FHOD3: variants seen among roughly 807,000 people sequenced by gnomAD.
FHOD3 encodes FH1/FH2 domain-containing protein 3.
A neutral mutation model predicts 173.0 loss-of-function variants in FHOD3; 90 were observed. The ratio of observed to expected loss-of-function variants is 0.52; its 90% confidence interval spans 0.44 to 0.62. FHOD3 has a LOEUF of 0.62. Ranked by LOEUF, FHOD3 falls within the 20% of genes least tolerant of loss-of-function variation. FHOD3 has a pLI of 0.00. For missense variants in FHOD3, 1,945 were observed against 2,034.7 expected (o/e 0.96, Z 0.85); for synonymous variants, 828 against 823.0 (o/e 1.01, Z -0.10).
chr18:36,587,748 G>A (rs56389424), intron 6 of FHOD3, among the ~76,000 whole-genome samples: 43,289 of 152,004 alleles, frequency 0.28, 6,683 homozygotes, highest in Admixed American at 0.37. Context: ...CTGAGATCGC[G>A]CCATTGCACT....
intron 3 of FHOD3, among the ~76,000 whole-genome samples, chr18:36,404,397 A>G (rs1448208509): frequency 6.6e-6 from 1 of 152,126 alleles, no homozygotes; most frequent in Non-Finnish European, 1.5e-5. Flanking sequence ...CTCCTTATGG[A>G]GTTGATAAAA....
intron 1 of FHOD3, among the ~76,000 whole-genome samples, chr18:36,353,181 A>C (rs1205023082): frequency 6.6e-6 from 1 of 152,242 alleles, no homozygotes; most frequent in Non-Finnish European, 1.5e-5. Flanking sequence ...GCTGCTCAAG[A>C]ATGCTGAAAT....
At chr18:36,360,708 G>A (rs779009882) in intron 2 of FHOD3, among the ~76,000 whole-genome samples, 56 of 152,198 alleles carry the variant, frequency 3.7e-4, no homozygotes, top group Non-Finnish European at 5.7e-4. Context: ...ATGAACCTCT[G>A]AGGTTTCTGT....
chr18:36,495,616 G>C (rs952765248), intron 3 of FHOD3, among the ~76,000 whole-genome samples: 1 of 152,176 alleles, frequency 6.6e-6, no homozygotes, highest in African/African-American at 2.4e-5. Context: ...GGGCACACTT[G>C]AATTCCTTTC....
intron 28 of FHOD3, among the ~76,000 whole-genome samples, chr18:36,770,454 T>G (rs900979214): frequency 2.6e-5 from 4 of 152,198 alleles, no homozygotes; most frequent in Non-Finnish European, 5.9e-5. Context: ...TACACACGTT[T>G]CCAGGATACA....
At chr18:36,727,993 G>A (rs1250250241) in intron 19 of FHOD3, among the ~76,000 whole-genome samples, 1 of 152,202 alleles carries the variant, frequency 6.6e-6, no homozygotes, top group African/African-American at 2.4e-5. Flanking sequence ...CAAGACACCT[G>A]CTACTGCACC....
intron 4 of FHOD3, among the ~76,000 whole-genome samples, chr18:36,510,499 G>T (rs1347063775): frequency 6.6e-6 from 1 of 152,140 alleles, no homozygotes; most frequent in African/African-American, 2.4e-5. Context: ...GCCTTTGCCA[G>T]ACAGTCAATT....
chr18:36,581,476 G>A (rs1413515781), intron 6 of FHOD3, among the ~76,000 whole-genome samples: 2 of 152,208 alleles, frequency 1.3e-5, no homozygotes, highest in Non-Finnish European at 2.9e-5. Context: ...TTCCCTGTCT[G>A]CATTGCTCTC....
At chr18:36,630,675 G>T (rs1275298179) in intron 10 of FHOD3, among the ~76,000 whole-genome samples, 5 of 152,198 alleles carry the variant, frequency 3.3e-5, no homozygotes, top group South Asian at 2.1e-4. Flanking sequence ...ACCTGGCACA[G>T]TCTCACCAGA....
intron 3 of FHOD3, among the ~76,000 whole-genome samples, chr18:36,394,269 A>G (rs1192342693): frequency 6.6e-6 from 1 of 152,212 alleles, no homozygotes; most frequent in Non-Finnish European, 1.5e-5. Flanking sequence ...GATGAAAGTC[A>G]TTATTAAGGT....
intron 3 of FHOD3, among the ~76,000 whole-genome samples, chr18:36,408,631 T>G (rs1189938750): frequency 6.6e-6 from 1 of 152,042 alleles, no homozygotes; most frequent in Admixed American, 6.6e-5. Context: ...CAGGACATAG[T>G]GCCAGTGGTT....
chr18:36,315,804 C>G (rs780947781), intron 1 of FHOD3, among the ~76,000 whole-genome samples: 18 of 152,062 alleles, frequency 1.2e-4, no homozygotes, highest in Non-Finnish European at 2.2e-4. Flanking sequence ...AAGCAGACAC[C>G]CCATTATGTC....
At chr18:36,561,027 C>G (rs2058065863) in intron 5 of FHOD3, among the ~76,000 whole-genome samples, 1 of 151,986 alleles carries the variant, frequency 6.6e-6, no homozygotes, top group Non-Finnish European at 1.5e-5. Context: ...TGTATTCTTC[C>G]CCTGTGGAGG....
intron 5 of FHOD3, 147 bp downstream of exon 5, chr18:36,512,690 CCATAG>C (rs2055726285): frequency 1.8e-5 from 2 of 111,960 alleles, no homozygotes; most frequent in Non-Finnish European, 3.2e-5. Context: ...AAAACATCTG[CCATAG>C]GTAAAACAGG....
chr18:36,401,771 C>T (rs2048821452), intron 3 of FHOD3, among the ~76,000 whole-genome samples: 3 of 152,148 alleles, frequency 2.0e-5, no homozygotes, highest in African/African-American at 2.4e-5. Flanking sequence ...TTAACCTGGC[C>T]CCTCATGTTC....
chr18:36,602,636 T>C, intron 7 of FHOD3, 38 bp from the exon 8 acceptor site: 2 of 1,398,810 alleles, frequency 1.4e-6, no homozygotes, highest in Middle Eastern at 1.8e-4. Flanking sequence ...AGAATGTTGA[T>C]GAATTGCTGT....
rs150161368 is a variant in FHOD3 at position 36,307,209 on chromosome 18, G to A, written c.165+9209G>A. ...GAATTCCTGACCTCGTAATCTGCCC[G>A]CGTCAGCCTCCCAAAGTGCTGGGAT... is the stretch of plus-strand genomic sequence containing the variant. On this transcript the variant is annotated intron_variant, in intron 1 of 28. Transcript: ENST00000590592. Among the ~76,000 whole-genome samples the A allele has an allele frequency of 4.4e-3, 676 of 152,262 alleles. 3 individuals are homozygous for A. The highest frequency in any genetic ancestry group is 0.015 in the African/African-American group (629 of 41,546).
intron 3 of FHOD3, among the ~76,000 whole-genome samples, chr18:36,424,454 G>T (rs2050143253): frequency 6.6e-6 from 1 of 151,746 alleles, no homozygotes; most frequent in Non-Finnish European, 1.5e-5. Flanking sequence ...TTATTGTCTT[G>T]TCCCCTCTCC....
At chr18:36,553,531 C>T (rs2057749921) in intron 5 of FHOD3, among the ~76,000 whole-genome samples, 1 of 152,116 alleles carries the variant, frequency 6.6e-6, no homozygotes, top group Non-Finnish European at 1.5e-5. Context: ...TTCAACTTCT[C>T]CTGGTTTAGT....
Sources: allele counts gnomAD v4.1 joint callset (sites outside exome capture counted in the v4.1 genomes callset), GRCh38; gene constraint gnomAD v4.1.1; transcripts MANE v1.5; gene names NCBI Gene and HGNC (gene_info 2026-07-23, HGNC 2026-07-21).